Variants in CR1 observed in about 807,000 individuals in gnomAD.
The protein encoded by CR1 is complement C3b/C4b receptor 1 (Knops blood group), also known as complement receptor type 1.
CR1 carries 116 observed loss-of-function variants against 187.3 expected under a neutral mutation model. The observed-to-expected ratio is 0.62, with a 90% CI of 0.53 to 0.72. CR1 has a LOEUF of 0.72. Among genes scored for constraint, CR1 ranks in the 30% least tolerant of loss-of-function variants. CR1 has a pLI of 0.00. For synonymous variants in CR1, 576 were observed against 747.1 expected (o/e 0.77, Z 3.73); for missense variants, 1,731 against 2,110.7 (o/e 0.82, Z 3.52).
intron 32 of CR1, among the ~76,000 whole-genome samples, chr1:207,583,774 A>G (rs1661029453): frequency 6.6e-6 from 1 of 152,206 alleles, no homozygotes; most frequent in Admixed American, 6.5e-5. Flanking sequence ...AATAGTTAAG[A>G]AGTATGAAAG....
intron 45 of CR1, among the ~76,000 whole-genome samples, chr1:207,626,677 G>A (rs1199886963): frequency 6.6e-6 from 1 of 152,208 alleles, no homozygotes; most frequent in Non-Finnish European, 1.5e-5. Context: ...AGAGGTGCAG[G>A]CTGACTTCTA....
chr1:207,617,717 A>C, intron 41 of CR1, among the ~76,000 whole-genome samples: 1 of 147,856 alleles, frequency 6.8e-6, no homozygotes, highest in East Asian at 2.0e-4. Flanking sequence ...CTGGCTTTAA[A>C]CGACAGTACC....
intron 27 of CR1, among the ~76,000 whole-genome samples, chr1:207,573,949 T>C (rs763671115): frequency 1.6e-4 from 24 of 152,002 alleles, no homozygotes; most frequent in African/African-American, 4.8e-4. Flanking sequence ...CTAGACAACA[T>C]GACAAAAACC....
intron 24 of CR1, among the ~76,000 whole-genome samples, chr1:207,567,489 A>G (rs2102327371): frequency 6.6e-6 from 1 of 150,464 alleles, no homozygotes; most frequent in African/African-American, 2.5e-5. Context: ...CTGACACAGG[A>G]TAAGTGCTCA....
chr1:207,610,305 C>A (rs1295811156), intron 37 of CR1, among the ~76,000 whole-genome samples: 1 of 151,990 alleles, frequency 6.6e-6, no homozygotes, highest in Non-Finnish European at 1.5e-5. Flanking sequence ...GGCTCAAATT[C>A]ATTCTTTGAG....
intron 1 of CR1, among the ~76,000 whole-genome samples, chr1:207,500,109 G>A (rs1434475782): frequency 2.6e-5 from 4 of 152,132 alleles, no homozygotes; most frequent in Non-Finnish European, 1.5e-5. Context: ...GAAGACTGTC[G>A]AAATAAGCTT....
chr1:207,612,621 C>T (rs1174461338), intron 39 of CR1, among the ~76,000 whole-genome samples: 2 of 152,248 alleles, frequency 1.3e-5, no homozygotes, highest in East Asian at 1.9e-4. Context: ...CCCAGGCTCA[C>T]CGCAGGAAAC....
Position 207,564,212 on chromosome 1 carries a change from G to C in CR1, c.3844G>C (p.Val1282Leu), listed in dbSNP as rs767107915. The change falls in exon 23 of 47, where the codon GTG becomes CTG. Residue 1282 changes from valine (V) to leucine (L), a missense_variant. By Grantham distance (32) the Val-to-Leu change is conservative. Coordinates refer to ENST00000367049, the MANE Select transcript of CR1 (RefSeq NM_000651.6). ...FPVNLQLGAKVDFVCDEGFQL... is the reference protein window; with the variant it reads ...FPVNLQLGAKLDFVCDEGFQL... ...AGTAAATCTCCAGCTTGGAGCAAAA[G>C]TGGATTTTGTTTGTGATGAAGGGTG... The C allele has an allele frequency of 3.2e-6, 5 of 1,584,408 alleles. No individual in the cohort carries two copies. The highest frequency in any genetic ancestry group is 3.4e-5 in the Admixed American group (2 of 58,850).
intron 35 of CR1, among the ~76,000 whole-genome samples, chr1:207,592,115 A>G (rs1661289570): frequency 1.3e-5 from 2 of 152,220 alleles, no homozygotes; most frequent in Admixed American, 1.3e-4. Flanking sequence ...TCATCCTGAT[A>G]CCAAAACCTG....
intron 4 of CR1, among the ~76,000 whole-genome samples, chr1:207,512,643 A>G (rs189801840): frequency 9.1e-4 from 138 of 152,348 alleles, no homozygotes; most frequent in Admixed American, 2.2e-3. Context: ...CTAAGTTTAC[A>G]AATGACATTG....
In CR1 at chr1:207,630,590, C is replaced by G; in HGVS notation, c.7426C>G (p.Arg2476Gly). ...TCAAGGAGGCAGCAGCGTTCATCCC[C>G]GAACTCTGCAAACAAATGAAGAAAA... Reference protein sequence around the residue: ...HSQGGSSVHPRTLQTNEENSR... With the variant: ...HSQGGSSVHPGTLQTNEENSR... The change falls in exon 46 of 47, where the codon CGA (arginine) becomes GGA (glycine). Residue 2476 changes from arginine (R) to glycine (G), a missense_variant. Around this residue, in one of 5 missense-constraint regions of CR1, gnomAD observed 1,312 missense variants for 1,379.6 expected, o/e 0.95. Transcript: ENST00000367049. 6.2e-7 allele frequency: 1 copy of G among 1,608,908 alleles called. No individual in the cohort carries two copies. Among genetic ancestry groups the G allele is most frequent in the African/African-American group, 1.3e-5 (1 of 74,922 alleles).
At chr1:207,610,712 T>G (rs1156834070) in intron 37 of CR1, among the ~76,000 whole-genome samples, 2 of 152,234 alleles carry the variant, frequency 1.3e-5, no homozygotes, top group African/African-American at 4.8e-5. Flanking sequence ...AAATACGGTC[T>G]AAGCAATATG....
intron 4 of CR1, among the ~76,000 whole-genome samples, chr1:207,515,020 CACACACAT>C (rs1254379935): frequency 4.1e-5 from 6 of 146,188 alleles, no homozygotes; most frequent in Non-Finnish European, 9.0e-5. Context: ...CACACACACA[CACACACAT>C]ATATACATAT....
chr1:207,614,750 G>T (rs1398569113), intron 40 of CR1, among the ~76,000 whole-genome samples: 1 of 152,036 alleles, frequency 6.6e-6, no homozygotes, highest in Non-Finnish European at 1.5e-5. Flanking sequence ...TGACATAAAG[G>T]TGCAGCACGT....
chr1:207,520,968 G>GTTTTTTTTTTTTTT (rs141546660), intron 4 of CR1, among the ~76,000 whole-genome samples: 2 of 44,566 alleles, frequency 4.5e-5, no homozygotes, highest in East Asian at 7.7e-4. Flanking sequence ...TTTTTTGGTT[G>GTTTTTTTTTTTTTT]TTTTTTTTTT....
At chr1:207,633,149 A>G (rs1288578250) in intron 46 of CR1, among the ~76,000 whole-genome samples, 1 of 152,218 alleles carries the variant, frequency 6.6e-6, no homozygotes, top group Non-Finnish European at 1.5e-5. Context: ...CCCTGAACCC[A>G]GCTCCAGCTC....
intron 41 of CR1, among the ~76,000 whole-genome samples, chr1:207,617,724 T>C (rs1176621795): frequency 6.8e-6 from 1 of 147,326 alleles, no homozygotes; most frequent in Non-Finnish European, 1.5e-5. Flanking sequence ...TAAACGACAG[T>C]ACCTGACAAC....
rs1447696453 is a variant in CR1, at chr1:207,621,903, T to C, written c.7253-70T>C. 3 of 1,303,822 alleles carry C rather than the reference T, an allele frequency of 2.3e-6. No individual in the cohort carries two copies. The Admixed American group carries it at 7.2e-5, about 31-fold the overall frequency. The allele number at this position is 1,303,822 out of a possible 1,614,324, so 80.8% of individuals were successfully genotyped here. A position where few individuals can be genotyped will look rare whatever the true frequency, so the allele number is the denominator to read the frequency against. On this transcript the variant is annotated intron_variant, in intron 43 of 46. Coordinates refer to ENST00000367049, the MANE Select transcript of CR1 (RefSeq NM_000651.6). ...AAGAAAAATCAGGATGACTTGTCAC[T>C]GGCTGAGAGGTCCTGTTCAATCATG...
At chr1:207,636,362 A>C (rs1254726786) in intron 46 of CR1, among the ~76,000 whole-genome samples, 1 of 152,132 alleles carries the variant, frequency 6.6e-6, no homozygotes, top group African/African-American at 2.4e-5. Context: ...GAAATGTCTA[A>C]AGTGAGATTA....
Sources: allele counts gnomAD v4.1 joint callset (sites outside exome capture counted in the v4.1 genomes callset), GRCh38; gene constraint gnomAD v4.1.1; regional missense constraint gnomAD v4.1.1; transcripts MANE v1.5; gene names NCBI Gene and HGNC (gene_info 2026-07-23, HGNC 2026-07-21).